The following GRID1 variants were observed in gnomAD, a reference collection of about 807,000 sequenced individuals.
GRID1 encodes glutamate ionotropic receptor delta type subunit 1.
GRID1 carries 28 observed loss-of-function variants against 98.0 expected under a neutral mutation model. The ratio of observed to expected loss-of-function variants is 0.29; its 90% confidence interval spans 0.21 to 0.39. GRID1 has a LOEUF of 0.39. GRID1 is among the 10% of genes least tolerant of loss of function. The pLI, the probability that GRID1 is intolerant of heterozygous loss-of-function variation, is 1.00. For synonymous variants in GRID1, 553 were observed against 538.5 expected, an observed-to-expected ratio of 1.03 and a Z score of -0.37; for missense variants, 1,111 against 1,340.5, an observed-to-expected ratio of 0.83 and a Z score of 2.67.
At position 85,599,802 on chromosome 10, in the gene GRID1, A is replaced by AAAAAAAAATATATATATATATATAT; in HGVS notation, c.*2470_*2471insATATATATATATATATATTTTTTTT. ...GTAGAAAATTCTAAAAAAAAAAAAA[A>AAAAAAAAATATATATATATATATAT]ATATATATATATATATATAAACATG... On this transcript the variant is annotated 3_prime_UTR_variant, in exon 16 of 16. Coordinates refer to ENST00000327946, the MANE Select transcript of GRID1 (RefSeq NM_017551.3). 6 of 64,994 alleles carry AAAAAAAAATATATATATATATATAT rather than the reference A, an allele frequency of 9.2e-5. No homozygotes were observed. The highest frequency in any genetic ancestry group is 1.7e-4 in the Admixed American group (1 of 5,844). The allele number at this position is 64,994 out of a possible 1,614,324, so 4.0% of individuals were successfully genotyped here.
intron 4 of GRID1, among the ~76,000 whole-genome samples, chr10:85,925,532 C>T (rs1841762843): frequency 6.6e-6 from 1 of 152,210 alleles, no homozygotes; most frequent in African/African-American, 2.4e-5. Flanking sequence ...ATTTCTCATA[C>T]ACTCTGCTGT....
intron 8 of GRID1, among the ~76,000 whole-genome samples, chr10:85,767,291 C>A (rs936255250): frequency 1.1e-4 from 17 of 152,298 alleles, no homozygotes; most frequent in African/African-American, 4.1e-4. Context: ...ATCCTCCTCC[C>A]ACACCATCAC....
At chr10:86,277,447 T>G (rs1358817359) in intron 2 of GRID1, among the ~76,000 whole-genome samples, 1 of 152,244 alleles carries the variant, frequency 6.6e-6, no homozygotes, top group African/African-American at 2.4e-5. Flanking sequence ...GAATTTTTAG[T>G]TTATAACTCT....
chr10:86,345,120 A>G lies in GRID1; in HGVS notation c.235+18821T>C, dbSNP rs181874750. 3.9e-5 allele frequency among the ~76,000 whole-genome samples: 6 copies of G among 152,314 alleles called. No individual in the cohort carries two copies. In the East Asian group the frequency reaches 9.6e-4, roughly 24 times the overall value. Reference sequence around the variant, plus strand: ...TTCCTCTTCCCTTGGCACATGTTCCAAAGTCCACTGCTGGTGCATGAGCCT... The same window carrying G: ...TTCCTCTTCCCTTGGCACATGTTCCGAAGTCCACTGCTGGTGCATGAGCCT... On this transcript the variant is annotated intron_variant, in intron 2 of 15. Transcript: ENST00000327946.
At chr10:85,782,861 G>A (rs2132728581) in intron 8 of GRID1, among the ~76,000 whole-genome samples, 1 of 152,302 alleles carries the variant, frequency 6.6e-6, no homozygotes, top group South Asian at 2.1e-4. Flanking sequence ...CTTCTTCCAG[G>A]AGGAATTTTG....
Position 86,136,741 on chromosome 10 carries a change from C to T in GRID1, c.726+2078G>A, listed in dbSNP as rs116269568. ...TGTTGGCCCAAAGTCCAAATGCCATCGTTCCCCTCAATCTCCTGCCAACAA... is the reference window on the plus strand; with the variant it reads ...TGTTGGCCCAAAGTCCAAATGCCATTGTTCCCCTCAATCTCCTGCCAACAA... On this transcript the variant is annotated intron_variant, in intron 4 of 15. Transcript: ENST00000327946. Among the ~76,000 whole-genome samples, 909 of 152,262 alleles carry T rather than the reference C, an allele frequency of 6.0e-3. 19 individuals carry two copies. Among genetic ancestry groups the T allele is most frequent in the African/African-American group, 0.021 (866 of 41,538 alleles).
At chr10:85,808,949 T>A (rs1290380662) in intron 8 of GRID1, among the ~76,000 whole-genome samples, 1 of 152,028 alleles carries the variant, frequency 6.6e-6, no homozygotes, top group African/African-American at 2.4e-5. Flanking sequence ...TAAAAATAAA[T>A]ATTATGTCTA....
At chr10:86,325,092 A>C (rs1175978540) in intron 2 of GRID1, among the ~76,000 whole-genome samples, 1 of 152,220 alleles carries the variant, frequency 6.6e-6, no homozygotes, top group Non-Finnish European at 1.5e-5. Context: ...ATTGAAGGGG[A>C]AACCAACCAA....
intron 2 of GRID1, among the ~76,000 whole-genome samples, chr10:86,207,920 G>C (rs1018875197): frequency 2.0e-5 from 3 of 152,154 alleles, no homozygotes; most frequent in African/African-American, 4.8e-5. Flanking sequence ...GTGAGCCACC[G>C]CGCCCGGCCG....
At chr10:85,795,627 A>T (rs1454106357) in intron 8 of GRID1, among the ~76,000 whole-genome samples, 2 of 152,238 alleles carry the variant, frequency 1.3e-5, no homozygotes, top group African/African-American at 4.8e-5. Context: ...GAAAACAATT[A>T]CCAGGAAACA....
At chr10:85,788,857 G>T (rs1842453469) in intron 8 of GRID1, among the ~76,000 whole-genome samples, 1 of 152,208 alleles carries the variant, frequency 6.6e-6, no homozygotes. Context: ...GTCAGCCCAA[G>T]TTAGGACTTG....
intron 4 of GRID1, among the ~76,000 whole-genome samples, chr10:86,013,183 A>G (rs957022918): frequency 6.6e-6 from 1 of 152,230 alleles, no homozygotes; most frequent in Non-Finnish European, 1.5e-5. Flanking sequence ...GCAGTAAGAT[A>G]AACTTCCCGA....
chr10:86,206,674 A>C lies in GRID1; in HGVS notation c.236-26T>G. 6.3e-7 allele frequency: 1 copy of C among 1,598,080 alleles called. No individual in the cohort carries two copies. ...CTAGAAAGAGAGAAGAGAGAGAGGA[A>C]GGGGTCAGCATCAGGGCGATGCTGC... On this transcript the variant is annotated intron_variant, in intron 2 of 15. Coordinates refer to ENST00000327946, the MANE Select transcript of GRID1 (RefSeq NM_017551.3). The surrounding 1 kb of genome is among the most constrained non-coding windows in gnomAD (Gnocchi z 4.1).
chr10:85,770,668 C>G (rs1008357974), intron 8 of GRID1, among the ~76,000 whole-genome samples: 2 of 151,992 alleles, frequency 1.3e-5, no homozygotes, highest in African/African-American at 2.4e-5. Flanking sequence ...TCGAGAACTA[C>G]GTGAAGAATG....
chr10:85,914,665 T>C (rs1331882406), intron 5 of GRID1, among the ~76,000 whole-genome samples: 1 of 152,184 alleles, frequency 6.6e-6, no homozygotes, highest in Non-Finnish European at 1.5e-5. Context: ...TACAATCTGA[T>C]ACTACCTGCA....
intron 6 of GRID1, among the ~76,000 whole-genome samples, chr10:85,861,722 G>A (rs543041278): frequency 1.3e-5 from 2 of 152,310 alleles, no homozygotes; most frequent in Admixed American, 6.5e-5. Context: ...GGGAAGGCAG[G>A]CAGGGTATGG....
intron 12 of GRID1, among the ~76,000 whole-genome samples, chr10:85,714,224 C>T (rs1019110908): frequency 8.6e-5 from 13 of 151,592 alleles, no homozygotes; most frequent in African/African-American, 2.4e-4. Context: ...TGGATAGATA[C>T]GAGAGGAACA....
intron 4 of GRID1, among the ~76,000 whole-genome samples, chr10:86,105,086 T>G (rs1844361370): frequency 6.6e-6 from 1 of 152,236 alleles, no homozygotes; most frequent in African/African-American, 2.4e-5. Flanking sequence ...GGAAGTGATT[T>G]ACGGTGGCTC....
intron 4 of GRID1, among the ~76,000 whole-genome samples, chr10:86,045,304 AC>A (rs1489960578): frequency 6.6e-6 from 1 of 152,232 alleles, no homozygotes; most frequent in Non-Finnish European, 1.5e-5. Flanking sequence ...ACTTGCAACC[AC>A]TGCAGTGGCT....
Sources: gnomAD v4.1 joint callset for allele counts (sites outside exome capture counted in the v4.1 genomes callset) on GRCh38, gnomAD v4.1.1 for gene constraint, Gnocchi (gnomAD v3.1) non-coding constraint, MANE v1.5 for transcripts, NCBI Gene and HGNC (gene_info 2026-07-23, HGNC 2026-07-21) for gene names.